The following SLC2A14 variants were observed in gnomAD, a reference collection of about 807,000 sequenced individuals.
SLC2A14 encodes solute carrier family 2, facilitated glucose transporter member 14.
In SLC2A14, 13 loss-of-function variants were observed where a neutral mutation model predicts 43.0. That is an observed-to-expected ratio of 0.30 (90% CI 0.20 to 0.48). The LOEUF is 0.48. Among genes scored for constraint, SLC2A14 ranks in the 20% least tolerant of loss-of-function variants. The pLI is 0.99. For synonymous variants in SLC2A14, 190 were observed against 233.8 expected, an observed-to-expected ratio of 0.81 and a Z score of 1.71; for missense variants, 428 against 620.4, an observed-to-expected ratio of 0.69 and a Z score of 3.29.
At chr12:7,840,880 T>C (rs1431895380) in intron 2 of SLC2A14, among the ~76,000 whole-genome samples, 1 of 151,902 alleles carries the variant, frequency 6.6e-6, no homozygotes, top group African/African-American at 2.4e-5. Flanking sequence ...AGAACTGGAG[T>C]TGCCATTTAC....
rs1176693035 is a variant in SLC2A14 at position 7,869,934 on chromosome 12, C to A, written c.-54G>T. Reference sequence around the variant, plus strand: ...TCTCCAATTTCTCTTCAAGGTACTGCTTCCTGTAAATTGTAATTGTCTAGT... The same window carrying A: ...TCTCCAATTTCTCTTCAAGGTACTGATTCCTGTAAATTGTAATTGTCTAGT... On this transcript the variant is annotated 5_prime_UTR_variant, in exon 2 of 11. Transcript: ENST00000431042. 2 of 1,521,296 alleles carry A rather than the reference C, an allele frequency of 1.3e-6. No individual in the cohort carries two copies. Among genetic ancestry groups the A allele is most frequent in the Non-Finnish European group, 1.8e-6 (2 of 1,136,608 alleles). 94.2% of individuals were successfully genotyped at this position (1,521,296 alleles called of 1,614,324 possible).
upstream of SLC2A14, among the ~76,000 whole-genome samples, chr12:7,877,809 T>C (rs1945488537): frequency 6.6e-6 from 1 of 151,914 alleles, no homozygotes; most frequent in Non-Finnish European, 1.5e-5. Flanking sequence ...CAAGCTGGAG[T>C]GCAGTTCACT....
Position 7,828,729 on chromosome 12 carries a change from T to C in SLC2A14, c.651A>G (p.Arg217=), listed in dbSNP as rs200364327. Residue 217 remains arginine, a synonymous_variant, in exon 6 of 11, where the codon AGA becomes AGG. Coordinates refer to ENST00000431042, the MANE Select transcript of SLC2A14 (RefSeq NM_001286234.2). ...PESPRFLLIN[R]KKEENATRIL... is the part of the protein sequence containing the mutation. ...TCCGCGTAGCATTCTCCTCTTTTTT[T>C]CTGTTAATGAGCAAAAATCTGGGAC... The C allele has an allele frequency of 3.7e-6, 6 of 1,614,138 alleles. No homozygotes were observed. The highest frequency in any genetic ancestry group is 8.5e-7 in the Non-Finnish European group (1 of 1,180,006).
chr12:7,840,741 G>A (rs1352965548), intron 2 of SLC2A14, among the ~76,000 whole-genome samples: 2 of 152,220 alleles, frequency 1.3e-5, no homozygotes, highest in Non-Finnish European at 2.9e-5. Context: ...AGGGATAGGA[G>A]CATAGAGTGG....
chr12:7,856,332 A>G (rs1406566879), intron 2 of SLC2A14: 4 of 152,090 alleles, frequency 2.6e-5, no homozygotes. Context: ...GGGGACCACA[A>G]AGTTACCTAA....
chr12:7,835,993 C>T (rs1865418497), intron 2 of SLC2A14, among the ~76,000 whole-genome samples: 2 of 152,248 alleles, frequency 1.3e-5, no homozygotes, highest in African/African-American at 4.8e-5. Flanking sequence ...TCCCGTTGAT[C>T]CTGAAGGGCC....
At chr12:7,818,261 G>A (rs960297501) in intron 9 of SLC2A14, among the ~76,000 whole-genome samples, 8 of 152,140 alleles carry the variant, frequency 5.3e-5, no homozygotes, top group Non-Finnish European at 5.9e-5. Flanking sequence ...ACAGCTCACT[G>A]CATCATCGAC....
intron 2 of SLC2A14, chr12:7,839,986 C>T (rs1361895290): frequency 2.7e-6 from 1 of 363,974 alleles, no homozygotes; most frequent in African/African-American, 2.2e-5. Context: ...GTGGTTTGCA[C>T]TTGTAGTCCC....
intron 1 of SLC2A14, among the ~76,000 whole-genome samples, chr12:7,881,953 C>T (rs928933368): frequency 5.3e-5 from 8 of 152,052 alleles, no homozygotes; most frequent in South Asian, 2.1e-4. Context: ...ATTGTAAACG[C>T]ACCAATCAGC....
At chr12:7,883,579 CT>C (rs1385161692) in intron 1 of SLC2A14, among the ~76,000 whole-genome samples, 15 of 108,732 alleles carry the variant, frequency 1.4e-4, no homozygotes, top group South Asian at 3.1e-4. Flanking sequence ...TTTTCTTTTT[CT>C]TTTTCTTTTC....
At chr12:7,874,772 CATAT>C (rs372968029), upstream of SLC2A14, among the ~76,000 whole-genome samples, 170 of 78,538 alleles carry the variant, frequency 2.2e-3, 6 homozygotes, top group East Asian at 0.038. Flanking sequence ...ACTATATAAA[CATAT>C]ATAAATATAT....
intron 2 of SLC2A14, among the ~76,000 whole-genome samples, chr12:7,866,480 T>G (rs934307262): frequency 3.9e-5 from 6 of 152,062 alleles, no homozygotes; most frequent in African/African-American, 1.4e-4. Context: ...TTGTCCTGCC[T>G]CAGCCTCCCA....
upstream of SLC2A14, chr12:7,873,224 G>A (rs1239628930): frequency 2.0e-6 from 2 of 985,430 alleles, no homozygotes; most frequent in East Asian, 1.1e-4. Context: ...CGTTAGGAGG[G>A]TGTGAACGTA....
At chr12:7,826,936 C>T in intron 7 of SLC2A14, among the ~76,000 whole-genome samples, 1 of 125,746 alleles carries the variant, frequency 8.0e-6, no homozygotes, top group Non-Finnish European at 1.7e-5. Flanking sequence ...CTTTCCTTTC[C>T]TTTCCTTTCT....
chr12:7,841,594 T>C (rs1295157737), intron 2 of SLC2A14, among the ~76,000 whole-genome samples: 1 of 152,204 alleles, frequency 6.6e-6, no homozygotes, highest in Non-Finnish European at 1.5e-5. Flanking sequence ...TGGGCTAATA[T>C]TGATATATTA....
At chr12:7,828,963 C>A in intron 5 of SLC2A14, 97 bp from the exon 6 acceptor site, 1 of 1,453,906 alleles carries the variant, frequency 6.9e-7, no homozygotes, top group Non-Finnish European at 9.3e-7. Context: ...TAGCTTACGC[C>A]TGTAATTCCA....
At chr12:7,874,568 AGACT>A (rs1565584014), upstream of SLC2A14, among the ~76,000 whole-genome samples, 16 of 151,392 alleles carry the variant, frequency 1.1e-4, no homozygotes, top group Non-Finnish European at 5.9e-5. Flanking sequence ...GCTACTCCGG[AGACT>A]GAGGCAGGAA....
intron 2 of SLC2A14, among the ~76,000 whole-genome samples, chr12:7,854,260 C>T (rs1249183844): frequency 6.6e-6 from 1 of 152,052 alleles, no homozygotes; most frequent in Non-Finnish European, 1.5e-5. Context: ...CACTGTTCAC[C>T]AAATTGCAAA....
chr12:7,830,102 A>G (rs1391261015), intron 4 of SLC2A14, 96 bp from the exon 5 acceptor site: 1 of 1,472,180 alleles, frequency 6.8e-7, no homozygotes, highest in African/African-American at 1.4e-5. Context: ...CTCCAGGCTT[A>G]TATCAACTCC....
Sources: gnomAD v4.1 joint callset for allele counts (sites outside exome capture counted in the v4.1 genomes callset) on GRCh38, gnomAD v4.1.1 for gene constraint, MANE v1.5 for transcripts, NCBI Gene and HGNC (gene_info 2026-07-23, HGNC 2026-07-21) for gene names.